Variants in PDE8B observed in about 807,000 individuals in gnomAD.
PDE8B encodes phosphodiesterase 8B.
In PDE8B, 26 loss-of-function variants were observed where a neutral mutation model predicts 101.3. The ratio of observed to expected loss-of-function variants is 0.26; its 90% CI spans 0.19 to 0.36. The LOEUF (loss-of-function observed/expected upper bound fraction) is 0.36, where lower values mean the gene tolerates loss of function less well. Ranked by LOEUF, PDE8B falls within the 10% of genes least tolerant of loss-of-function variation. PDE8B has a pLI of 1.00. For synonymous variants in PDE8B, 424 were observed against 429.3 expected, an observed-to-expected ratio of 0.99 and a Z score of 0.15; for missense variants, 810 against 1,163.1, an observed-to-expected ratio of 0.70 and a Z score of 4.42.
chr5:77,412,294 C>T (rs1248776245), intron 16 of PDE8B, 59 bp downstream of exon 16: 2 of 1,578,152 alleles, frequency 1.3e-6, no homozygotes, highest in African/African-American at 1.3e-5. Context: ...CAAACTCTCA[C>T]ATTTGGAAAC....
the PDE8B span, among the ~76,000 whole-genome samples, chr5:77,099,950 A>G: frequency 6.6e-6 from 1 of 152,158 alleles, no homozygotes; most frequent in Admixed American, 6.5e-5. Flanking sequence ...AGAGGAAAAT[A>G]CTGGTTGCAG....
At chr5:77,165,975 CAAAA>C in the PDE8B span, among the ~76,000 whole-genome samples, 1 of 97,146 alleles carries the variant, frequency 1.0e-5, no homozygotes, top group African/African-American at 5.0e-5. Flanking sequence ...GAGACTGCCT[CAAAA>C]AAAAAAAAAA....
chr5:77,311,855 TA>T (rs1195061897), intron 1 of PDE8B, 138 bp from the exon 2 acceptor site: 14 of 787,660 alleles, frequency 1.8e-5, no homozygotes, highest in Non-Finnish European at 3.3e-5. Context: ...TCATGCTTGG[TA>T]ACCCATCTCC....
intron 1 of PDE8B, among the ~76,000 whole-genome samples, chr5:77,278,256 T>C (rs1163012581): frequency 6.6e-6 from 1 of 152,160 alleles, no homozygotes; most frequent in African/African-American, 2.4e-5. Flanking sequence ...TTCTGGTAGG[T>C]AGGAACCTGA....
At chr5:77,319,082 C>G (rs1294525485) in intron 2 of PDE8B, among the ~76,000 whole-genome samples, 1 of 152,190 alleles carries the variant, frequency 6.6e-6, no homozygotes, top group Non-Finnish European at 1.5e-5. Flanking sequence ...TTTCAGCTTT[C>G]TTTGAGGTCT....
intron 1 of PDE8B, among the ~76,000 whole-genome samples, chr5:77,250,484 A>T (rs1757859098): frequency 6.6e-6 from 1 of 152,158 alleles, no homozygotes; most frequent in Non-Finnish European, 1.5e-5. Context: ...TCAAGGTAAA[A>T]ATGCCCATCT....
chr5:77,120,633 G>A, the PDE8B span, among the ~76,000 whole-genome samples: 1 of 152,206 alleles, frequency 6.6e-6, no homozygotes, highest in South Asian at 2.1e-4. Flanking sequence ...GGATATATGG[G>A]TTTTGACTGT....
intron 10 of PDE8B, among the ~76,000 whole-genome samples, chr5:77,397,698 G>A (rs1382343107): frequency 1.3e-5 from 2 of 152,156 alleles, no homozygotes; most frequent in African/African-American, 4.8e-5. Flanking sequence ...TGGCTTTAAG[G>A]AACAGGGCCA....
At chr5:77,099,601 T>C in the PDE8B span, among the ~76,000 whole-genome samples, 2 of 140,046 alleles carry the variant, frequency 1.4e-5, no homozygotes, top group African/African-American at 4.9e-5. Context: ...CAGGGTGACC[T>C]TTTCTTTTCT....
At chr5:77,269,716 C>CT (rs750449649) in intron 1 of PDE8B, among the ~76,000 whole-genome samples, 20 of 152,092 alleles carry the variant, frequency 1.3e-4, no homozygotes, top group Non-Finnish European at 2.2e-4. Context: ...TCCTAGCACC[C>CT]ATTAAAGAGA....
the PDE8B span, among the ~76,000 whole-genome samples, chr5:77,156,131 G>A: frequency 6.6e-6 from 1 of 152,276 alleles, no homozygotes; most frequent in Non-Finnish European, 1.5e-5. Context: ...CCCTGAGCAC[G>A]CACTGATTAA....
chr5:77,195,964 G>T, the PDE8B span, among the ~76,000 whole-genome samples: 1 of 152,140 alleles, frequency 6.6e-6, no homozygotes, highest in Admixed American at 6.5e-5. Flanking sequence ...GTTGTTCAAA[G>T]GTCAACTGTA....
chr5:77,116,920 T>C, the PDE8B span, among the ~76,000 whole-genome samples: 101,028 of 152,042 alleles, frequency 0.66, 34,888 homozygotes, highest in African/African-American at 0.87. Flanking sequence ...AAGCATTTCT[T>C]CTCTCACCAC....
rs767322504 is a variant in PDE8B, at chr5:77,349,569, A to C, written c.1017+10A>C. On this transcript the variant is annotated intron_variant, in intron 8 of 21. Coordinates refer to ENST00000264917, the MANE Select transcript of PDE8B (RefSeq NM_003719.5). ...CATCAAGAAGGGAAAGGTGGGTTAC[A>C]CCAGCAAAACCAATCCACGAACCCT... is the stretch of plus-strand genomic sequence containing the variant. The C allele has an allele frequency of 6.2e-7, 1 of 1,614,160 alleles. No homozygotes were observed.
chr5:77,112,528 A>AT, the PDE8B span: 13 of 152,170 alleles, frequency 8.5e-5, no homozygotes, highest in Non-Finnish European at 1.9e-4. Flanking sequence ...CTATCTCAAA[A>AT]TAATAAGAGC....
chr5:77,198,838 AT>A, the PDE8B span, among the ~76,000 whole-genome samples: 62,299 of 151,436 alleles, frequency 0.41, 13,516 homozygotes, highest in African/African-American at 0.54. Context: ...CTTCTGGGAC[AT>A]TTTTTTTTCT....
At chr5:77,200,036 A>G in the PDE8B span, among the ~76,000 whole-genome samples, 1 of 151,936 alleles carries the variant, frequency 6.6e-6, no homozygotes, top group African/African-American at 2.4e-5. Flanking sequence ...AGTAAAAAAA[A>G]AAAAGAAAAA....
intron 1 of PDE8B, chr5:77,291,631 T>G (rs1767364896): frequency 6.3e-7 from 1 of 1,596,920 alleles, no homozygotes; most frequent in African/African-American, 1.3e-5. Flanking sequence ...ACTGTAAATG[T>G]CAACATTCCA....
chr5:77,325,629 A>G lies in PDE8B; in HGVS notation c.490A>G (p.Thr164Ala). ...RAGYRCNIARTPESALECFLD... is the reference protein window; with the variant it reads ...RAGYRCNIARAPESALECFLD... ...TGGTTATAGATGCAATATTGCTCGG[A>G]CTCCAGAGTCAGCCCTTGAATGCTT... The change falls in exon 3 of 22, where the codon ACT (threonine) becomes GCT (alanine). Residue 164 changes from threonine to alanine, a missense_variant. Thr to Ala is a moderately conservative substitution (Grantham distance 58). Transcript: ENST00000264917. The G allele has an allele frequency of 6.2e-7, 1 of 1,613,562 alleles. No homozygotes were observed. Among genetic ancestry groups the G allele is most frequent in the Non-Finnish European group, 8.5e-7 (1 of 1,179,484 alleles).
Sources: allele counts gnomAD v4.1 joint callset (sites outside exome capture counted in the v4.1 genomes callset), GRCh38; gene constraint gnomAD v4.1.1; transcripts MANE v1.5; gene names NCBI Gene and HGNC (gene_info 2026-07-23, HGNC 2026-07-21).